The following NCKAP5 variants were observed in gnomAD, a reference collection of about 807,000 sequenced individuals.
NCKAP5 encodes the protein NCK associated protein 5.
NCKAP5 carries 92 observed loss-of-function variants against 167.0 expected under a neutral mutation model. The ratio of observed to expected loss-of-function variants is 0.55; its 90% CI spans 0.47 to 0.66. The LOEUF (loss-of-function observed/expected upper bound fraction) is 0.66, where lower values mean the gene tolerates loss of function less well. Among genes scored for constraint, NCKAP5 ranks in the 30% least tolerant of loss-of-function variants. NCKAP5 has a pLI of 0.00. For synonymous variants in NCKAP5, 891 were observed against 877.4 expected, an observed-to-expected ratio of 1.02 and a Z score of -0.27; for missense variants, 2,378 against 2,315.0, an observed-to-expected ratio of 1.03 and a Z score of -0.56.
chr2:133,289,955 C>T (rs992411715), intron 4 of NCKAP5, among the ~76,000 whole-genome samples: 9 of 152,110 alleles, frequency 5.9e-5, no homozygotes, highest in Admixed American at 6.5e-5. Flanking sequence ...AGAACTCACG[C>T]ACTATCACGA....
intron 6 of NCKAP5, among the ~76,000 whole-genome samples, chr2:133,015,459 C>T (rs1272455619): frequency 6.6e-6 from 1 of 151,776 alleles, no homozygotes; most frequent in Non-Finnish European, 1.5e-5. Context: ...GAGCTCAAAT[C>T]CCAACTCCTC....
At position 133,130,696 on chromosome 2, in the gene NCKAP5, G is replaced by A. The variant is rs148199369; in HGVS notation, c.208-585C>T. On this transcript the variant is annotated intron_variant, in intron 5 of 19. Coordinates refer to ENST00000409261, the MANE Select transcript of NCKAP5 (RefSeq NM_207363.3). ...TAGATAACTAGCTCATCTCACGAAC[G>A]GGTATCAGGGACTGAAAGAGGAACT... Among the ~76,000 whole-genome samples the A allele has an allele frequency of 2.1e-3, 313 of 152,262 alleles. 1 individual carries two copies. Among genetic ancestry groups the A allele is most frequent in the African/African-American group, 6.9e-3 (285 of 41,546 alleles).
chr2:132,822,779 A>G (rs1686845272), intron 11 of NCKAP5, among the ~76,000 whole-genome samples: 1 of 152,222 alleles, frequency 6.6e-6, no homozygotes, highest in Non-Finnish European at 1.5e-5. Flanking sequence ...TACAAGAGAA[A>G]GGTGAAAATC....
At chr2:133,052,482 C>T (rs1195565571) in intron 6 of NCKAP5, among the ~76,000 whole-genome samples, 1 of 152,080 alleles carries the variant, frequency 6.6e-6, no homozygotes, top group East Asian at 1.9e-4. Context: ...CTTTGGGAGG[C>T]CAAGGCAGGC....
intron 6 of NCKAP5, among the ~76,000 whole-genome samples, chr2:133,041,028 T>C (rs2079202941): frequency 6.6e-6 from 1 of 152,188 alleles, no homozygotes; most frequent in Non-Finnish European, 1.5e-5. Flanking sequence ...TGTTAGCTTA[T>C]GCAGAAGCAA....
At chr2:133,586,181 T>TA in the NCKAP5 span, among the ~76,000 whole-genome samples, 1 of 152,152 alleles carries the variant, frequency 6.6e-6, no homozygotes, top group African/African-American at 2.4e-5. Flanking sequence ...ATTCAATACT[T>TA]AAGTATTAAT....
intron 8 of NCKAP5, among the ~76,000 whole-genome samples, chr2:132,932,204 C>A (rs1040886649): frequency 3.9e-5 from 6 of 152,102 alleles, no homozygotes; most frequent in African/African-American, 1.2e-4. Context: ...GACTTTACTG[C>A]CTATTTTTGT....
chr2:132,836,952 A>G (rs1305352143), intron 11 of NCKAP5, among the ~76,000 whole-genome samples: 1 of 152,192 alleles, frequency 6.6e-6, no homozygotes, highest in African/African-American at 2.4e-5. Context: ...GCTTCCTAAG[A>G]AAAGGGACAT....
chr2:133,371,798 T>C (rs1350859502), intron 3 of NCKAP5, among the ~76,000 whole-genome samples: 1 of 152,204 alleles, frequency 6.6e-6, no homozygotes, highest in Non-Finnish European at 1.5e-5. Context: ...TACCTGGTTC[T>C]ACCTCCATAC....
chr2:133,213,335 T>C (rs910000291), intron 5 of NCKAP5, among the ~76,000 whole-genome samples: 1 of 152,214 alleles, frequency 6.6e-6, no homozygotes, highest in Non-Finnish European at 1.5e-5. Flanking sequence ...ATCTTGGTGT[T>C]CTTTTTTCAG....
At chr2:132,855,973 G>A (rs992483666) in intron 11 of NCKAP5, among the ~76,000 whole-genome samples, 2 of 152,092 alleles carry the variant, frequency 1.3e-5, no homozygotes, top group African/African-American at 4.8e-5. Context: ...GACCATCCTG[G>A]CTAACACAGT....
intron 5 of NCKAP5, among the ~76,000 whole-genome samples, chr2:133,138,846 C>T (rs745812042): frequency 3.3e-5 from 5 of 152,176 alleles, no homozygotes; most frequent in African/African-American, 7.2e-5. Context: ...TTGCTCACTA[C>T]GGGTCAGCTA....
chr2:132,714,553 C>T (rs1689170901), intron 19 of NCKAP5, among the ~76,000 whole-genome samples: 1 of 152,128 alleles, frequency 6.6e-6, no homozygotes, highest in Non-Finnish European at 1.5e-5. Context: ...CACAGTGGCT[C>T]ATGCCTGTAA....
At chr2:133,405,390 G>A (rs1165136111) in intron 3 of NCKAP5, among the ~76,000 whole-genome samples, 7 of 152,110 alleles carry the variant, frequency 4.6e-5, no homozygotes, top group South Asian at 4.1e-4. Context: ...ACAGCACTTC[G>A]GCACTACTCT....
At chr2:132,812,960 GT>G (rs1204589412) in intron 11 of NCKAP5, among the ~76,000 whole-genome samples, 2 of 152,090 alleles carry the variant, frequency 1.3e-5, no homozygotes, top group African/African-American at 4.8e-5. Flanking sequence ...TCTCATGCTC[GT>G]GATCTAATCA....
At chr2:132,996,413 C>T (rs1240845969) in intron 6 of NCKAP5, among the ~76,000 whole-genome samples, 1 of 152,188 alleles carries the variant, frequency 6.6e-6, no homozygotes, top group African/African-American at 2.4e-5. Flanking sequence ...ACACCCATTC[C>T]CATTTCCAGA....
At chr2:132,915,169 A>C (rs1408816738) in intron 8 of NCKAP5, among the ~76,000 whole-genome samples, 7 of 152,028 alleles carry the variant, frequency 4.6e-5, no homozygotes, top group Non-Finnish European at 1.0e-4. Context: ...TGGATCTGCT[A>C]GACTTGTGGC....
intron 3 of NCKAP5, among the ~76,000 whole-genome samples, chr2:133,351,832 C>T (rs1684385588): frequency 6.6e-6 from 1 of 152,102 alleles, no homozygotes; most frequent in South Asian, 2.1e-4. Flanking sequence ...CCCACCACTC[C>T]CCACCACCCC....
At chr2:133,557,613 T>C (rs1687833710) in intron 2 of NCKAP5, among the ~76,000 whole-genome samples, 1 of 152,068 alleles carries the variant, frequency 6.6e-6, no homozygotes. Flanking sequence ...AGAGGGAAAA[T>C]CTAAGAAAGC....
Sources: gnomAD v4.1 joint callset for allele counts (sites outside exome capture counted in the v4.1 genomes callset) on GRCh38, gnomAD v4.1.1 for gene constraint, MANE v1.5 for transcripts, NCBI Gene and HGNC (gene_info 2026-07-23, HGNC 2026-07-21) for gene names.